The following B3GALT1 variants were observed in gnomAD, a reference collection of about 807,000 sequenced individuals.
B3GALT1 encodes beta-1,3-galactosyltransferase 1, also known as UDP-Gal:betaGlcNAc beta 1,3-galactosyltransferase, polypeptide 1.
B3GALT1 carries 10 observed loss-of-function variants against 23.2 expected under a neutral mutation model. That is an observed-to-expected ratio of 0.43 (90% confidence interval 0.27 to 0.73). The LOEUF (loss-of-function observed/expected upper bound fraction) is 0.73. Ranked by LOEUF, B3GALT1 falls within the 30% of genes least tolerant of loss-of-function variation. B3GALT1 has a pLI of 0.21. For synonymous variants in B3GALT1, 156 were observed against 141.5 expected, an observed-to-expected ratio of 1.10 and a Z score of -0.73; for missense variants, 299 against 405.4, an observed-to-expected ratio of 0.74 and a Z score of 2.25.
At chr2:167,635,001 A>G (rs1685523439) in intron 2 of B3GALT1, among the ~76,000 whole-genome samples, 1 of 152,192 alleles carries the variant, frequency 6.6e-6, no homozygotes, top group African/African-American at 2.4e-5. Context: ...CTTATCTACC[A>G]TGATCAAATT....
At chr2:167,735,285 C>G (rs1687474667) in intron 3 of B3GALT1, among the ~76,000 whole-genome samples, 1 of 152,210 alleles carries the variant, frequency 6.6e-6, no homozygotes, top group Non-Finnish European at 1.5e-5. Flanking sequence ...TTACTTTGGA[C>G]TTGCCAATAA....
At chr2:167,777,285 A>G (rs1688177328) in intron 3 of B3GALT1, among the ~76,000 whole-genome samples, 1 of 152,246 alleles carries the variant, frequency 6.6e-6, no homozygotes, top group African/African-American at 2.4e-5. Flanking sequence ...ATTATGAATG[A>G]TCATTATGAA....
At chr2:167,545,952 A>G (rs1318520903) in intron 2 of B3GALT1, among the ~76,000 whole-genome samples, 1 of 152,208 alleles carries the variant, frequency 6.6e-6, no homozygotes, top group Non-Finnish European at 1.5e-5. Context: ...TTTATGTTTC[A>G]TATACATCTT....
At chr2:167,447,274 T>C (rs1484263859) in intron 1 of B3GALT1, among the ~76,000 whole-genome samples, 3 of 152,152 alleles carry the variant, frequency 2.0e-5, no homozygotes, top group Non-Finnish European at 4.4e-5. Context: ...CGGCCCCTAC[T>C]GGGGGGTGCC....
At chr2:167,768,919 C>T (rs1574252922) in intron 3 of B3GALT1, among the ~76,000 whole-genome samples, 1 of 152,150 alleles carries the variant, frequency 6.6e-6, no homozygotes, top group East Asian at 1.9e-4. Flanking sequence ...AAATTAGAAT[C>T]TTGTTACCTT....
intron 2 of B3GALT1, among the ~76,000 whole-genome samples, chr2:167,628,898 T>C (rs1013026871): frequency 1.3e-5 from 2 of 151,626 alleles, no homozygotes; most frequent in African/African-American, 4.8e-5. Context: ...GATTTATTAG[T>C]GTGGGAAATT....
At chr2:167,679,239 C>A (rs534320265) in intron 3 of B3GALT1, among the ~76,000 whole-genome samples, 7 of 152,244 alleles carry the variant, frequency 4.6e-5, no homozygotes, top group Non-Finnish European at 8.8e-5. Flanking sequence ...CTGCCTCAGC[C>A]TCCTGAGTAG....
At chr2:167,505,382 C>A (rs2105350447) in intron 2 of B3GALT1, among the ~76,000 whole-genome samples, 1 of 152,152 alleles carries the variant, frequency 6.6e-6, no homozygotes, top group Non-Finnish European at 1.5e-5. Context: ...TGTAGGTTTT[C>A]TAAAAACAAT....
At chr2:167,457,923 A>G (rs1212377480) in intron 1 of B3GALT1, among the ~76,000 whole-genome samples, 1 of 152,146 alleles carries the variant, frequency 6.6e-6, no homozygotes, top group Non-Finnish European at 1.5e-5. Context: ...TTCTGTACAC[A>G]CTTATTTGTT....
chr2:167,727,843 G>A (rs79662373), intron 3 of B3GALT1, among the ~76,000 whole-genome samples: 2 of 152,084 alleles, frequency 1.3e-5, no homozygotes, highest in Non-Finnish European at 2.9e-5. Context: ...ATTCAGTTTC[G>A]TTTTCTGCTT....
intron 2 of B3GALT1, among the ~76,000 whole-genome samples, chr2:167,512,590 ATG>A (rs1377399860): frequency 0.25 from 23,397 of 94,370 alleles, 4,411 homozygotes; most frequent in East Asian, 0.7. Context: ...GTATATATAT[ATG>A]TGTATATATA....
chr2:167,628,036 T>TA lies in B3GALT1; in HGVS notation c.-409-18866dup, dbSNP rs1030698445. ...TGTCCATTTTACTTTGTTGCCCATT[T>TA]AAAAAAATTTGGATTATTGTTTTAT... On this transcript the variant is annotated intron_variant, in intron 2 of 4. Transcript: ENST00000392690. Among the ~76,000 whole-genome samples the TA allele has an allele frequency of 4.0e-5, 6 of 151,772 alleles. No homozygotes were observed. The South Asian group carries it at 6.2e-4, about 16-fold the overall frequency.
At chr2:167,517,828 G>T (rs1239734402) in intron 2 of B3GALT1, among the ~76,000 whole-genome samples, 1 of 152,040 alleles carries the variant, frequency 6.6e-6, no homozygotes, top group Non-Finnish European at 1.5e-5. Context: ...CAACACAGGT[G>T]TTTCCATAAA....
rs112127665 is a variant in B3GALT1 at position 167,677,161 on chromosome 2, G to A, written c.-352+30195G>A. On this transcript the variant is annotated intron_variant, in intron 3 of 4. Transcript: ENST00000392690. ...AGTCTAAATATCTCATGTACAACAT[G>A]AGAACTGTTGTTAACAGCAGTGTAT... 9.7e-3 allele frequency among the ~76,000 whole-genome samples: 1,482 copies of A among 152,238 alleles called. 21 individuals carry two copies. Among genetic ancestry groups the A allele is most frequent in the African/African-American group, 0.034 (1,410 of 41,540 alleles).
In B3GALT1 at chr2:167,873,866, A is replaced by C. The variant is rs1398750363; in HGVS notation, c.*3846A>C. 6.6e-6 allele frequency: 1 copy of C among 152,226 alleles called. No homozygotes were observed. The highest frequency in any genetic ancestry group is 1.5e-5 in the Non-Finnish European group (1 of 68,056). The allele number at this position is 152,226 out of a possible 1,614,324, so 9.4% of individuals were successfully genotyped here. ...ACTATTTTTTTGTATCAATGTTATA[A>C]AACTAAAAATGACAGACACTGAAGA... On this transcript the variant is annotated 3_prime_UTR_variant, in exon 5 of 5. Coordinates refer to ENST00000392690, the MANE Select transcript of B3GALT1 (RefSeq NM_020981.4).
At chr2:167,296,515 CACAT>C (rs760026861) in intron 1 of B3GALT1, among the ~76,000 whole-genome samples, 2 of 152,234 alleles carry the variant, frequency 1.3e-5, no homozygotes, top group East Asian at 3.9e-4. Flanking sequence ...CACACAAAAA[CACAT>C]GCATACTAGA....
At chr2:167,357,130 G>A (rs1008431357) in intron 1 of B3GALT1, among the ~76,000 whole-genome samples, 2 of 151,862 alleles carry the variant, frequency 1.3e-5, no homozygotes, top group African/African-American at 4.8e-5. Context: ...TTGCAGACAA[G>A]TTATGTAAAA....
chr2:167,565,995 G>T (rs975505796), intron 2 of B3GALT1, among the ~76,000 whole-genome samples: 8 of 152,032 alleles, frequency 5.3e-5, no homozygotes, highest in African/African-American at 1.9e-4. Flanking sequence ...GCCATCCCAT[G>T]ACTGGGTATA....
rs71395297 is a variant in B3GALT1 at position 167,579,432 on chromosome 2, CT to C, written c.-409-67462del. On this transcript the variant is annotated intron_variant, in intron 2 of 4. Coordinates refer to ENST00000392690, the MANE Select transcript of B3GALT1 (RefSeq NM_020981.4). ...TGGTTTTGGTTTTGTTTTTTTTTGT[CT>C]TTTTTTTTTTTTTTCCATTTAAATT... 1.7e-3 allele frequency among the ~76,000 whole-genome samples: 183 copies of C among 108,972 alleles called. 1 individual carries two copies. The highest frequency in any genetic ancestry group is 5.4e-3 in the Middle Eastern group (1 of 184). 71.5% of individuals were successfully genotyped at this position (108,972 alleles called of 152,430 possible).
Sources: allele counts gnomAD v4.1 joint callset (sites outside exome capture counted in the v4.1 genomes callset), GRCh38; gene constraint gnomAD v4.1.1; transcripts MANE v1.5; gene names NCBI Gene and HGNC (gene_info 2026-07-23, HGNC 2026-07-21).